Variants in TTC7B observed in about 807,000 individuals in gnomAD.
TTC7B encodes tetratricopeptide repeat domain 7B.
A neutral mutation model predicts 106.8 loss-of-function variants in TTC7B; 28 were observed. The ratio of observed to expected loss-of-function variants is 0.26; its 90% confidence interval spans 0.19 to 0.36. The LOEUF is 0.36. Among genes scored for constraint, TTC7B ranks in the 10% least tolerant of loss-of-function variants. The pLI is 1.00. For synonymous variants in TTC7B, 405 were observed against 430.6 expected, an observed-to-expected ratio of 0.94 and a Z score of 0.74; for missense variants, 862 against 1,076.4, an observed-to-expected ratio of 0.80 and a Z score of 2.79.
rs889863653 is a variant in TTC7B at position 90,742,594 on chromosome 14, T to C, written c.576+2198A>G. Among the ~76,000 whole-genome samples the C allele has an allele frequency of 6.6e-6, 1 of 152,170 alleles. No homozygotes were observed. Among genetic ancestry groups the C allele is most frequent in the Non-Finnish European group, 1.5e-5 (1 of 68,032 alleles). ...AGCACTAAGCTAGGTGTCGTGTGAG[T>C]GGAGTTCTAAAACTAGTTTTGGCCT... is the stretch of plus-strand genomic sequence containing the variant. On this transcript the variant is annotated intron_variant, in intron 4 of 19. Transcript: ENST00000328459. This position sits in a 1 kb window ranked among gnomAD's most constrained non-coding sequence, Gnocchi z 4.1.
At chr14:90,677,730 A>G (rs761701423) in intron 8 of TTC7B, 43 of 430,422 alleles carry the variant, frequency 1.0e-4, no homozygotes, top group Non-Finnish European at 1.9e-4. Context: ...AAGGCCACAC[A>G]CACACCTTCC....
intron 15 of TTC7B, among the ~76,000 whole-genome samples, chr14:90,629,018 G>A (rs1246784933): frequency 6.6e-6 from 1 of 152,266 alleles, no homozygotes; most frequent in Non-Finnish European, 1.5e-5. Flanking sequence ...AGACTGGGAT[G>A]GTGCCATCTC....
Position 90,658,307 on chromosome 14 carries a change from T to C in TTC7B, c.1233A>G (p.Gly411=), listed in dbSNP as rs1182501787. ...GCCCATCACAAAAGGGACTCACTTT[T>C]CCAGCAGCCATCAGGGACAGAGCAA... ...YQFALSLMAA[G]KSARAVKVLK... The change falls in exon 10 of 20, where the codon GGA becomes GGG. Residue 411 remains glycine, a synonymous_variant. Transcript: ENST00000328459. The C allele has an allele frequency of 6.2e-7, 1 of 1,613,978 alleles. No individual in the cohort carries two copies. The highest frequency in any genetic ancestry group is 8.5e-7 in the Non-Finnish European group (1 of 1,179,878).
intron 13 of TTC7B, among the ~76,000 whole-genome samples, chr14:90,647,609 A>G (rs926624638): frequency 2.6e-5 from 1 of 38,416 alleles, no homozygotes; most frequent in African/African-American, 6.9e-5. Context: ...TTTATTGCAG[A>G]TAACTGTCGT....
At chr14:90,745,352 C>T (rs1889926972) in intron 3 of TTC7B, among the ~76,000 whole-genome samples, 1 of 151,310 alleles carries the variant, frequency 6.6e-6, no homozygotes, top group South Asian at 2.1e-4. Flanking sequence ...AATAAATATC[C>T]CTATCTTATT....
intron 1 of TTC7B, among the ~76,000 whole-genome samples, chr14:90,788,999 T>C (rs1891486779): frequency 6.6e-6 from 1 of 152,194 alleles, no homozygotes; most frequent in Non-Finnish European, 1.5e-5. Flanking sequence ...TTTTCATTTT[T>C]TCCTTTTAAT....
At chr14:90,609,155 A>T (rs1278259098) in intron 17 of TTC7B, among the ~76,000 whole-genome samples, 1 of 152,206 alleles carries the variant, frequency 6.6e-6, no homozygotes, top group Non-Finnish European at 1.5e-5. Flanking sequence ...TATTCCAGCC[A>T]GGCTCTCTGC....
At position 90,816,332 on chromosome 14, in the gene TTC7B, C is replaced by G; in HGVS notation, c.-37G>C. The stretch of plus-strand genomic sequence containing the variant: ...CGGGCCCGGCCGCCCGCCCCGCAGG[C>G]CCCACCGCCGCCGCCGCGGCGCCCC... On this transcript the variant is annotated 5_prime_UTR_variant, in exon 1 of 20. Coordinates refer to ENST00000328459, the MANE Select transcript of TTC7B (RefSeq NM_001010854.2). 1 of 977,086 alleles carries G rather than the reference C, an allele frequency of 1.0e-6. No individual in the cohort carries two copies. Among genetic ancestry groups the G allele is most frequent in the Non-Finnish European group, 1.2e-6 (1 of 822,882 alleles). 60.5% of individuals were successfully genotyped at this position (977,086 alleles called of 1,614,324 possible).
At chr14:90,765,012 G>T (rs1310298630) in intron 3 of TTC7B, among the ~76,000 whole-genome samples, 1 of 152,130 alleles carries the variant, frequency 6.6e-6, no homozygotes, top group Non-Finnish European at 1.5e-5. Context: ...GTACACAAAT[G>T]TTCATAGCAG....
Position 90,777,849 on chromosome 14 carries a change from C to T in TTC7B, c.445+2889G>A, listed in dbSNP as rs74082993. Among the ~76,000 whole-genome samples the T allele has an allele frequency of 5.0e-3, 769 of 152,328 alleles. 3 individuals carry two copies. Among genetic ancestry groups the T allele is most frequent in the African/African-American group, 0.018 (732 of 41,568 alleles). ...GTCACTTCTAGTCCCTCAGGGCCCA[C>T]CCAACACTCAGCTTCAGCTGACATT... is the stretch of plus-strand genomic sequence containing the variant. On this transcript the variant is annotated intron_variant, in intron 3 of 19. Coordinates refer to ENST00000328459, the MANE Select transcript of TTC7B (RefSeq NM_001010854.2).
rs1306807501 is a variant in TTC7B at position 90,610,604 on chromosome 14, C to T, written c.1966+138G>A. 12 of 669,546 alleles carry T rather than the reference C, an allele frequency of 1.8e-5. No individual in the cohort carries two copies. In the South Asian group the frequency reaches 2.0e-4, roughly 11 times the overall value. 41.5% of individuals were successfully genotyped at this position (669,546 alleles called of 1,614,324 possible). On this transcript the variant is annotated intron_variant, in intron 17 of 19. Transcript: ENST00000328459. ...TTGAGAAAGACACTGGAGCAATGCA[C>T]CTCGGTTGAGTGTTTAAACTATTTG...
intron 4 of TTC7B, among the ~76,000 whole-genome samples, chr14:90,741,404 TA>T (rs1191851885): frequency 1.3e-5 from 2 of 152,092 alleles, no homozygotes; most frequent in Admixed American, 1.3e-4. Context: ...GACTAATAAA[TA>T]AAAGGCCCAC....
intron 1 of TTC7B, among the ~76,000 whole-genome samples, chr14:90,799,260 G>A (rs2030095686): frequency 6.6e-6 from 1 of 152,194 alleles, no homozygotes; most frequent in African/African-American, 2.4e-5. Flanking sequence ...AGGTCAGCTT[G>A]GAGCAGCTTC....
intron 1 of TTC7B, among the ~76,000 whole-genome samples, chr14:90,801,887 C>G (rs1360032525): frequency 1.3e-5 from 2 of 151,922 alleles, no homozygotes; most frequent in African/African-American, 2.4e-5. Context: ...ATGGTGAAAC[C>G]CCATCTCTAC....
rs538153640 is a variant in TTC7B, at chr14:90,600,810, C to T, written c.1967-7184G>A. On this transcript the variant is annotated intron_variant, in intron 17 of 19. Transcript: ENST00000328459. This position sits in a 1 kb window ranked among gnomAD's most constrained non-coding sequence, Gnocchi z 4.3. ...GCCAGCTGTCAGAGCGAGCCGCTGCCGGTGGCTCTGCGCTAGAGACAGTAC... is the reference window on the plus strand; with the variant it reads ...GCCAGCTGTCAGAGCGAGCCGCTGCTGGTGGCTCTGCGCTAGAGACAGTAC... 7.9e-5 allele frequency among the ~76,000 whole-genome samples: 12 copies of T among 152,344 alleles called. No individual in the cohort carries two copies. In the South Asian group the frequency reaches 2.1e-3, roughly 26 times the overall value.
rs956026101 is a variant in TTC7B, at chr14:90,676,449, T to C, written c.1152+74A>G. Reference sequence around the variant, plus strand: ...ATAGAGGGGGGCCCAGGACCAGGTCTCACAGCGCTTCCCTGGGGTCACCGT... The same window carrying C: ...ATAGAGGGGGGCCCAGGACCAGGTCCCACAGCGCTTCCCTGGGGTCACCGT... On this transcript the variant is annotated intron_variant, in intron 9 of 19. Transcript: ENST00000328459. 5 of 1,547,508 alleles carry C rather than the reference T, an allele frequency of 3.2e-6. No individual in the cohort carries two copies. In the Admixed American group the frequency reaches 5.3e-5, roughly 16 times the overall value.
In TTC7B at chr14:90,537,377, G is replaced by GGT. The variant is rs1555372750; in HGVS notation, c.*3990_*3991insAC. 6.9e-6 allele frequency: 1 copy of GGT among 144,400 alleles called. No individual in the cohort carries two copies. The highest frequency in any genetic ancestry group is 7.0e-5 in the Admixed American group (1 of 14,378). The allele number at this position is 144,400 out of a possible 1,614,324, so 8.9% of individuals were successfully genotyped here. A position where few individuals can be genotyped will look rare whatever the true frequency, so the allele number is the denominator to read the frequency against. ...ATTTTTTTTTTTTTGTAGAGATGGG[G>GGT]GGGGGGTCTCACCATGTTGCCCAGG... On this transcript the variant is annotated 3_prime_UTR_variant, in exon 20 of 20. Coordinates refer to ENST00000328459, the MANE Select transcript of TTC7B (RefSeq NM_001010854.2).
Position 90,786,182 on chromosome 14 carries a change from T to C in TTC7B, c.268A>G (p.Asn90Asp), listed in dbSNP as rs778348679. 26 of 1,550,632 alleles carry C rather than the reference T, an allele frequency of 1.7e-5. No individual in the cohort carries two copies. Among genetic ancestry groups the C allele is most frequent in the Non-Finnish European group, 2.3e-5 (26 of 1,152,002 alleles). ...CCAGAGGCCCATGGTACCTTAAGGT[T>C]CCCTCGGTCCAGGGCGGCGGTCAGA... ...KHLTAALDRG[N>D]LKSEFLQESN... The change falls in exon 2 of 20, where the codon AAC becomes GAC. Residue 90 changes from asparagine to aspartate, a missense_variant. Coordinates refer to ENST00000328459, the MANE Select transcript of TTC7B (RefSeq NM_001010854.2).
At position 90,657,223 on chromosome 14, in the gene TTC7B, G is replaced by A. The variant is rs770864773; in HGVS notation, c.1292C>T (p.Ala431Val). 1 of 1,614,046 alleles carries A rather than the reference G, an allele frequency of 6.2e-7. No individual in the cohort carries two copies. The highest frequency in any genetic ancestry group is 1.1e-5 in the South Asian group (1 of 91,084). The stretch of plus-strand genomic sequence containing the variant: ...CTTGGCAGCGAGGAGAGGGATGGTG[G>A]CATCGTCTGGCTTCAGGCGGATACA... ...KECIRLKPDD[A>V]TIPLLAAKLC... Residue 431 changes from alanine to valine, a missense_variant, in exon 11 of 20, where the codon GCC (alanine) becomes GTC (valine). Transcript: ENST00000328459. The surrounding 1 kb of genome is among the most constrained non-coding windows in gnomAD (Gnocchi z 4.2).
Sources: gnomAD v4.1 joint callset for allele counts (sites outside exome capture counted in the v4.1 genomes callset) on GRCh38, gnomAD v4.1.1 for gene constraint, Gnocchi (gnomAD v3.1) non-coding constraint, MANE v1.5 for transcripts, NCBI Gene and HGNC (gene_info 2026-07-23, HGNC 2026-07-21) for gene names.